HDLBP: variants seen among roughly 807,000 people sequenced by gnomAD.
The protein encoded by HDLBP is vigilin.
Under a neutral mutation model 137.3 loss-of-function variants are expected in HDLBP, and 30 were observed. That is an observed-to-expected ratio of 0.22 (90% CI 0.16 to 0.30). The LOEUF is 0.30. Among genes scored for constraint, HDLBP ranks in the 10% least tolerant of loss-of-function variants. HDLBP has a pLI of 1.00. For missense variants in HDLBP, 1,119 were observed against 1,667.3 expected, an observed-to-expected ratio of 0.67 and a Z score of 5.73; for synonymous variants, 606 against 596.0, an observed-to-expected ratio of 1.02 and a Z score of -0.24.
In HDLBP at chr2:241,239,665, G is replaced by C. The variant is rs752343069; in HGVS notation, c.2547C>G (p.Leu849=). Residue 849 remains leucine, a synonymous_variant, in exon 19 of 28, where the codon CTC becomes CTG. Coordinates refer to ENST00000310931, the MANE Select transcript of HDLBP (RefSeq NM_005336.6). This position sits in a 1 kb window ranked among gnomAD's most constrained non-coding sequence, Gnocchi z 4.6. ...RSGTQSDKVT[L]KGAKDCVEAA... Reference sequence around the variant, plus strand: ...CCTCCACACAGTCCTTGGCGCCCTTGAGGGTGACTTTGTCGCTCTGTGTGC... The same window carrying C: ...CCTCCACACAGTCCTTGGCGCCCTTCAGGGTGACTTTGTCGCTCTGTGTGC... 1.9e-6 allele frequency: 3 copies of C among 1,614,216 alleles called. No homozygotes were observed. In the South Asian group the frequency reaches 3.3e-5, roughly 18 times the overall value.
At chr2:241,264,298 C>A (rs1218227119) in intron 4 of HDLBP, 150 bp downstream of exon 4, 1 of 468,820 alleles carries the variant, frequency 2.1e-6, no homozygotes, top group Non-Finnish European at 3.7e-6. Context: ...GGAGGCGGAG[C>A]GTGCAGTGAG....
At position 241,248,260 on chromosome 2, in the gene HDLBP, C is replaced by A; in HGVS notation, c.1601G>T (p.Arg534Leu). The stretch of plus-strand genomic sequence containing the variant: ...AAACTTTACCTCTGGGAATTTGTCA[C>A]GAATTTCACGGATCCGTTCACCCTT... ...GQKGERIREI[R>L]DKFPEVIINF... The change falls in exon 13 of 28, where the codon CGT (arginine) becomes CTT (leucine). Residue 534 changes from arginine to leucine, a missense_variant. Transcript: ENST00000310931. The A allele has an allele frequency of 6.2e-7, 1 of 1,613,664 alleles. No individual in the cohort carries two copies. Among genetic ancestry groups the A allele is most frequent in the Non-Finnish European group, 8.5e-7 (1 of 1,179,562 alleles).
intron 1 of HDLBP, among the ~76,000 whole-genome samples, chr2:241,274,763 C>T (rs1453250864): frequency 6.6e-6 from 1 of 152,206 alleles, no homozygotes. Context: ...GCTTAGCACA[C>T]TGAAACTAAT....
At position 241,230,769 on chromosome 2, in the gene HDLBP, T is replaced by C; in HGVS notation, c.3464A>G (p.Asp1155Gly). 1.2e-6 allele frequency: 2 copies of C among 1,614,180 alleles called. No individual in the cohort carries two copies. The highest frequency in any genetic ancestry group is 2.2e-5 in the East Asian group (1 of 44,888). Residue 1155 changes from aspartate to glycine, a missense_variant, in exon 25 of 28, where the codon GAC becomes GGC. By Grantham distance (94) the Asp-to-Gly change is moderately conservative. This residue lies in a region of HDLBP where 618 missense variants were observed against 816.7 expected (regional missense o/e 0.76). Transcript: ENST00000310931. The surrounding 1 kb of genome is among the most constrained non-coding windows in gnomAD (Gnocchi z 5.0). The part of the protein sequence containing the change: ...ARGKAIRKIM[D>G]EFKVDIRFPQ... ...TTCCAGCCGGCTCACCTTGAATTCG[T>C]CCATGATTTTGCGAATGGCTTTGCC...
At chr2:241,257,118 C>T (rs1490557237) in intron 5 of HDLBP, among the ~76,000 whole-genome samples, 1 of 151,202 alleles carries the variant, frequency 6.6e-6, no homozygotes, top group Non-Finnish European at 1.5e-5. Context: ...ATCCAGAAAC[C>T]CTGAAAAAAC....
At position 241,272,379 on chromosome 2, in the gene HDLBP, C is replaced by A. The variant is rs1315901455; in HGVS notation, c.-102-3838G>T. The A allele has an allele frequency of 1.0e-6, 1 of 984,740 alleles. No homozygotes were observed. The highest frequency in any genetic ancestry group is 1.2e-6 in the Non-Finnish European group (1 of 829,726). 61.0% of individuals were successfully genotyped at this position (984,740 alleles called of 1,614,324 possible). On this transcript the variant is annotated intron_variant, in intron 1 of 27. Coordinates refer to ENST00000310931, the MANE Select transcript of HDLBP (RefSeq NM_005336.6). This position sits in a 1 kb window ranked among gnomAD's most constrained non-coding sequence, Gnocchi z 5.6. ...CAGCGACCTGGGCTCAGGTCGGCCG[C>A]CCCTCCGCGCCGTGCGGCCACGGCA...
chr2:241,262,649 A>T, intron 5 of HDLBP, 62 bp downstream of exon 5: 2 of 1,301,572 alleles, frequency 1.5e-6, no homozygotes, highest in Non-Finnish European at 2.2e-6. Flanking sequence ...AGCCTGCATC[A>T]GGAGCCGGGT....
At chr2:241,262,352 G>C (rs144854382) in intron 5 of HDLBP, among the ~76,000 whole-genome samples, 1 of 152,280 alleles carries the variant, frequency 6.6e-6, no homozygotes, top group Non-Finnish European at 1.5e-5. Flanking sequence ...GGGAGGCTAG[G>C]TGGATTGCCT....
chr2:241,229,405 G>A lies in HDLBP; in HGVS notation c.*196C>T. On this transcript the variant is annotated 3_prime_UTR_variant, in exon 28 of 28. Coordinates refer to ENST00000310931, the MANE Select transcript of HDLBP (RefSeq NM_005336.6). Reference sequence around the variant, plus strand: ...GGTTTAGTGTTAAACAGTGGAGCAGGTCCTGAGCGGGCACGGCCAGGCCTG... The same window carrying A: ...GGTTTAGTGTTAAACAGTGGAGCAGATCCTGAGCGGGCACGGCCAGGCCTG... The A allele has an allele frequency of 1.9e-6, 1 of 538,772 alleles. No homozygotes were observed. Among genetic ancestry groups the A allele is most frequent in the Non-Finnish European group, 3.4e-6 (1 of 296,576 alleles). 33.4% of individuals were successfully genotyped at this position (538,772 alleles called of 1,614,324 possible).
intron 11 of HDLBP, among the ~76,000 whole-genome samples, chr2:241,251,919 G>A (rs1416512857): frequency 2.0e-5 from 3 of 152,210 alleles, no homozygotes; most frequent in Admixed American, 6.5e-5. Flanking sequence ...GGACGTTGCA[G>A]TGAACTGAGA....
At chr2:241,258,115 A>G (rs2072842879) in intron 5 of HDLBP, among the ~76,000 whole-genome samples, 1 of 151,898 alleles carries the variant, frequency 6.6e-6, no homozygotes, top group Non-Finnish European at 1.5e-5. Context: ...TAAGCTGGCC[A>G]AGGCCAGGCG....
chr2:241,276,070 C>A (rs561663780), intron 1 of HDLBP, among the ~76,000 whole-genome samples: 2 of 151,968 alleles, frequency 1.3e-5, no homozygotes, highest in Admixed American at 1.3e-4. Flanking sequence ...GCAGAATATG[C>A]AAGTACAAAA....
chr2:241,298,079 AAAAG>A lies in HDLBP; in HGVS notation c.-103+17487_-103+17490del, dbSNP rs1290285208. ...AAAAAAAAAAAAAAAAAAAAAAAAA[AAAAG>A]GGCCAGGCATGGTGGCTCATGCCTG... On this transcript the variant is annotated intron_variant, in intron 1 of 27. Coordinates refer to ENST00000310931, the MANE Select transcript of HDLBP (RefSeq NM_005336.6). Among the ~76,000 whole-genome samples the A allele has an allele frequency of 7.4e-4, 50 of 67,754 alleles. 14 individuals are homozygous for A. Among genetic ancestry groups the A allele is most frequent in the East Asian group, 6.7e-3 (7 of 1,040 alleles). 44.4% of individuals were successfully genotyped at this position (67,754 alleles called of 152,430 possible). A position where few individuals can be genotyped will look rare whatever the true frequency, so the allele number is the denominator to read the frequency against.
chr2:241,248,588 T>C (rs1238322616), intron 12 of HDLBP, among the ~76,000 whole-genome samples: 1 of 152,172 alleles, frequency 6.6e-6, no homozygotes, highest in Non-Finnish European at 1.5e-5. Flanking sequence ...GTCACTTCCC[T>C]GAACAAAGTC....
intron 1 of HDLBP, among the ~76,000 whole-genome samples, chr2:241,297,046 GCA>G (rs1487198230): frequency 6.6e-6 from 1 of 152,250 alleles, no homozygotes; most frequent in Non-Finnish European, 1.5e-5. Context: ...TCTGGAAAAA[GCA>G]CAGACTACTG....
At position 241,315,401 on chromosome 2, in the gene HDLBP, G is replaced by A. The variant is rs956870051; in HGVS notation, c.-103+169C>T. ...TCGGTGCTGCCGCCATCTTCTTGGA[G>A]GACAGGAGGAGAGGCGAAGGCTCCC... is the stretch of plus-strand genomic sequence containing the variant. On this transcript the variant is annotated intron_variant, in intron 1 of 27. Transcript: ENST00000310931. The A allele has an allele frequency of 2.6e-5, 4 of 152,116 alleles. No homozygotes were observed. The East Asian group carries it at 5.8e-4, about 22-fold the overall frequency. The allele number at this position is 152,116 out of a possible 1,614,324, so 9.4% of individuals were successfully genotyped here.
At chr2:241,273,161 T>C (rs891172968) in intron 1 of HDLBP, 1 of 985,054 alleles carries the variant, frequency 1.0e-6, no homozygotes, top group African/African-American at 1.8e-5. Flanking sequence ...CTCCCCAAAA[T>C]CAGAAGAAAA....
rs1293598797 is a variant in HDLBP, at chr2:241,233,338, C to T, written c.3288+482G>A. Among the ~76,000 whole-genome samples, 1 of 152,118 alleles carries T rather than the reference C, an allele frequency of 6.6e-6. No individual in the cohort carries two copies. Among genetic ancestry groups the T allele is most frequent in the Non-Finnish European group, 1.5e-5 (1 of 68,006 alleles). On this transcript the variant is annotated intron_variant, in intron 24 of 27. Coordinates refer to ENST00000310931, the MANE Select transcript of HDLBP (RefSeq NM_005336.6). The surrounding 1 kb of genome is among the most constrained non-coding windows in gnomAD (Gnocchi z 4.3). ...AGCAGGAGGCCATGAGGGCCAGTGG[C>T]AGGGGGGTGGCACTGCAATTTGGAG...
At chr2:241,259,214 C>T (rs1272788413) in intron 5 of HDLBP, among the ~76,000 whole-genome samples, 1 of 152,142 alleles carries the variant, frequency 6.6e-6, no homozygotes, top group Non-Finnish European at 1.5e-5. Flanking sequence ...AGGCATAGAA[C>T]AGGGTGTATG....
Sources: gnomAD v4.1 joint callset for allele counts (sites outside exome capture counted in the v4.1 genomes callset) on GRCh38, gnomAD v4.1.1 for gene constraint, gnomAD v4.1.1 regional missense constraint, Gnocchi (gnomAD v3.1) non-coding constraint, MANE v1.5 for transcripts, NCBI Gene and HGNC (gene_info 2026-07-23, HGNC 2026-07-21) for gene names.